Variants in ZNF133 observed in about 807,000 individuals in gnomAD.
ZNF133 encodes zinc finger protein 133 (clone pHZ-13).
A neutral mutation model predicts 54.9 loss-of-function variants in ZNF133; 26 were observed. The ratio of observed to expected loss-of-function variants is 0.47; its 90% CI spans 0.35 to 0.66. The LOEUF (loss-of-function observed/expected upper bound fraction) is 0.66, where lower values mean the gene tolerates loss of function less well. ZNF133 is among the 30% of genes least tolerant of loss of function. The pLI is 0.01. For missense variants in ZNF133, 653 were observed against 820.8 expected (o/e 0.80, Z 2.50); for synonymous variants, 298 against 320.3 (o/e 0.93, Z 0.74).
intron 6 of ZNF133, among the ~76,000 whole-genome samples, chr20:18,308,094 T>C (rs6132045): frequency 6.6e-6 from 1 of 152,176 alleles, no homozygotes; most frequent in African/African-American, 2.4e-5. Flanking sequence ...TCTGTGGGGA[T>C]AGAATTGGGG....
At chr20:18,306,735 C>G (rs1282502957) in intron 6 of ZNF133, 36 of 1,342,454 alleles carry the variant, frequency 2.7e-5, no homozygotes, top group Non-Finnish European at 3.5e-5. Flanking sequence ...CAACTGTGAC[C>G]TACAGAAAGA....
At position 18,305,055 on chromosome 20, in the gene ZNF133, C is replaced by G; in HGVS notation, c.-130C>G. 4 of 985,430 alleles carry G rather than the reference C, an allele frequency of 4.1e-6. No homozygotes were observed. Among genetic ancestry groups the G allele is most frequent in the Non-Finnish European group, 4.8e-6 (4 of 829,980 alleles). The allele number at this position is 985,430 out of a possible 1,614,324, so 61.0% of individuals were successfully genotyped here. ...TGCTAAGAAAATTAAAAGAATAAAA[C>G]TGGGCAGGGGCATGAGAATAGGATG... On this transcript the variant is annotated 5_prime_UTR_variant, in exon 4 of 7. Coordinates refer to ENST00000425686, the MANE Select transcript of ZNF133 (RefSeq NM_001352452.2). The surrounding 1 kb of genome is among the most constrained non-coding windows in gnomAD (Gnocchi z 4.7).
intron 6 of ZNF133, 55 bp downstream of exon 6, chr20:18,306,448 G>T (rs1005977174): frequency 1.3e-6 from 2 of 1,554,684 alleles, no homozygotes; most frequent in African/African-American, 2.7e-5. Context: ...TCAGAGGACT[G>T]GGGGAGAGGA....
intron 3 of ZNF133, among the ~76,000 whole-genome samples, chr20:18,303,214 T>A (rs2043809721): frequency 6.6e-6 from 1 of 151,932 alleles, no homozygotes; most frequent in African/African-American, 2.4e-5. Context: ...CCTGGCTAAT[T>A]TTTGTATTTT....
At position 18,305,701 on chromosome 20, in the gene ZNF133, T is replaced by C. The variant is rs141542221; in HGVS notation, c.15T>C (p.Asp5=). 1.2e-4 allele frequency: 191 copies of C among 1,614,060 alleles called. 1 individual carries two copies. Among genetic ancestry groups the C allele is most frequent in the Admixed American group, 3.3e-5 (2 of 60,004 alleles). Residue 5 remains aspartate, a synonymous_variant, in exon 5 of 7, where the codon GAT becomes GAC. Coordinates refer to ENST00000425686, the MANE Select transcript of ZNF133 (RefSeq NM_001352452.2). The surrounding 1 kb of genome is among the most constrained non-coding windows in gnomAD (Gnocchi z 4.7). The part of the protein sequence containing the change: MAFR[D]VAVDFTQDEW... The stretch of plus-strand genomic sequence containing the variant: ...TACAGGCACACATGGCATTCAGGGA[T>C]GTGGCTGTGGATTTCACCCAGGATG...
intron 3 of ZNF133, among the ~76,000 whole-genome samples, chr20:18,303,473 G>C (rs2043878119): frequency 6.6e-6 from 1 of 152,068 alleles, no homozygotes; most frequent in South Asian, 2.1e-4. Flanking sequence ...GGAATCTCAA[G>C]GGACACTGAA....
At chr20:18,300,522 A>G (rs576474917) in intron 3 of ZNF133, among the ~76,000 whole-genome samples, 1 of 152,310 alleles carries the variant, frequency 6.6e-6, no homozygotes, top group East Asian at 1.9e-4. Flanking sequence ...AAACTCTAAA[A>G]CAATTTGGCA....
chr20:18,316,836 G>A lies in ZNF133; in HGVS notation c.*20G>A, dbSNP rs2047626137. On this transcript the variant is annotated 3_prime_UTR_variant, in exon 7 of 7. Transcript: ENST00000425686. The stretch of plus-strand genomic sequence containing the variant: ...CTCTGAAGGCAAAGATGGGGACAAG[G>A]ACTAAGAGTCAGAATGTTGACACTT... 1.3e-6 allele frequency: 2 copies of A among 1,576,070 alleles called. No individual in the cohort carries two copies. The highest frequency in any genetic ancestry group is 1.8e-5 in the Admixed American group (1 of 55,410).
At chr20:18,314,550 T>C (rs1016243140) in intron 6 of ZNF133, 3 of 152,276 alleles carry the variant, frequency 2.0e-5, no homozygotes, top group East Asian at 1.9e-4. Context: ...GCAGCTCGGG[T>C]GTGTCACATA....
chr20:18,294,213 C>G (rs1353552300), intron 1 of ZNF133, among the ~76,000 whole-genome samples: 1 of 152,164 alleles, frequency 6.6e-6, no homozygotes, highest in Non-Finnish European at 1.5e-5. Context: ...TTGAAGGACA[C>G]AGCATCACAT....
Position 18,316,437 on chromosome 20 carries a change from G to A in ZNF133, c.1586G>A (p.Arg529Gln), listed in dbSNP as rs1467965989. 7 of 1,614,120 alleles carry A rather than the reference G, an allele frequency of 4.3e-6. No individual in the cohort carries two copies. Among genetic ancestry groups the A allele is most frequent in the Non-Finnish European group, 5.1e-6 (6 of 1,180,026 alleles). ...CCGTATGTGTGCCGAGAGTGCGGGC[G>A]AGGCTTTAGCCACCAGGCCGGTCTC... ...ERPYVCRECG[R>Q]GFSHQAGLIR... The change falls in exon 7 of 7, where the codon CGA becomes CAA. Residue 529 changes from arginine to glutamine, a missense_variant. Around this residue, in one of 4 missense-constraint regions of ZNF133, gnomAD observed 292 missense variants for 431.6 expected, o/e 0.68. Coordinates refer to ENST00000425686, the MANE Select transcript of ZNF133 (RefSeq NM_001352452.2).
intron 6 of ZNF133, among the ~76,000 whole-genome samples, chr20:18,310,598 T>C (rs948280536): frequency 1.2e-4 from 18 of 152,272 alleles, no homozygotes; most frequent in African/African-American, 4.3e-4. Context: ...AGAAAGAGAA[T>C]ACAATGGTGG....
intron 1 of ZNF133, among the ~76,000 whole-genome samples, chr20:18,297,255 G>A (rs193281287): frequency 2.0e-5 from 3 of 151,712 alleles, no homozygotes; most frequent in African/African-American, 4.8e-5. Flanking sequence ...CTAAGTGCTC[G>A]TCATGTTTTC....
chr20:18,310,365 G>A (rs1157690890), intron 6 of ZNF133: 9 of 1,472,276 alleles, frequency 6.1e-6, no homozygotes, highest in Admixed American at 5.2e-5. Flanking sequence ...ATTTAAGACA[G>A]GCAATATCAG....
rs1478659125 is a variant in ZNF133 at position 18,296,680 on chromosome 20, TGG to T, written c.-431-1303_-431-1302del. Among the ~76,000 whole-genome samples, 4 of 152,236 alleles carry T rather than the reference TGG, an allele frequency of 2.6e-5. No individual in the cohort carries two copies. In the East Asian group the frequency reaches 7.7e-4, roughly 29 times the overall value. The stretch of plus-strand genomic sequence containing the variant: ...TCATTCATCCATTGTAAGCAACGCT[TGG>T]GTTGCTTACACCTTTTGGCTATTGT... On this transcript the variant is annotated intron_variant, in intron 1 of 6. Coordinates refer to ENST00000425686, the MANE Select transcript of ZNF133 (RefSeq NM_001352452.2).
At position 18,310,048 on chromosome 20, in the gene ZNF133, C is replaced by G. The variant is rs192636613; in HGVS notation, c.217+3655C>G. The G allele has an allele frequency of 4.5e-5, 46 of 1,011,998 alleles. No homozygotes were observed. The Admixed American group carries it at 1.6e-3, about 36-fold the overall frequency. The allele number at this position is 1,011,998 out of a possible 1,614,324, so 62.7% of individuals were successfully genotyped here. A position where few individuals can be genotyped will look rare whatever the true frequency, so the allele number is the denominator to read the frequency against. On this transcript the variant is annotated intron_variant, in intron 6 of 6. Transcript: ENST00000425686. The stretch of plus-strand genomic sequence containing the variant: ...ACATTTACACAAATATGTGTTTTCT[C>G]AACCTGAAAAGTATAGAATTATCAA...
chr20:18,316,565 C>T lies in ZNF133; in HGVS notation c.1714C>T (p.His572Tyr), dbSNP rs777984321. Residue 572 changes from histidine to tyrosine, a missense_variant, in exon 7 of 7, where the codon CAC (histidine) becomes TAC (tyrosine). Transcript: ENST00000425686. ...AGCTCTAATTACACACAAGCGGGCTCACTCGGAAGAGAAGCCTTGTGTGTG... is the reference window on the plus strand; with the variant it reads ...AGCTCTAATTACACACAAGCGGGCTTACTCGGAAGAGAAGCCTTGTGTGTG... ...KSALITHKRA[H>Y]SEEKPCVCRE... 2.5e-6 allele frequency: 4 copies of T among 1,614,108 alleles called. No individual in the cohort carries two copies. In the South Asian group the frequency reaches 3.3e-5, roughly 13 times the overall value.
rs200751079 is a variant in ZNF133 at position 18,299,094 on chromosome 20, GA to G, written c.-178+638del. On this transcript the variant is annotated intron_variant, in intron 3 of 6. Transcript: ENST00000425686. The stretch of plus-strand genomic sequence containing the variant: ...AGGAAAATATGACCCATTCAAAGGG[GA>G]AAAAAAATGAATAAACTGAAAACAT... 3.0e-4 allele frequency among the ~76,000 whole-genome samples: 45 copies of G among 151,832 alleles called. No homozygotes were observed. In the East Asian group the frequency reaches 4.6e-3, roughly 16 times the overall value.
rs1282793884 is a variant in ZNF133, at chr20:18,310,259, G to A, written c.217+3866G>A. The A allele has an allele frequency of 2.0e-6, 3 of 1,532,434 alleles. No individual in the cohort carries two copies. In the African/African-American group the frequency reaches 4.1e-5, roughly 21 times the overall value. The allele number at this position is 1,532,434 out of a possible 1,614,324, so 94.9% of individuals were successfully genotyped here. A position where few individuals can be genotyped will look rare whatever the true frequency, so the allele number is the denominator to read the frequency against. ...AGTCATTGTGGTTGCCCAGGAAGCT[G>A]TCTTGGAAACCCAAAATATATGTGT... On this transcript the variant is annotated intron_variant, in intron 6 of 6. Transcript: ENST00000425686.
Sources: gnomAD v4.1 joint callset for allele counts (sites outside exome capture counted in the v4.1 genomes callset) on GRCh38, gnomAD v4.1.1 for gene constraint, gnomAD v4.1.1 regional missense constraint, Gnocchi (gnomAD v3.1) non-coding constraint, MANE v1.5 for transcripts, NCBI Gene and HGNC (gene_info 2026-07-23, HGNC 2026-07-21) for gene names.